The following UNC5A variants were observed in gnomAD, a reference collection of about 807,000 sequenced individuals.
The protein encoded by UNC5A is netrin receptor UNC5A.
Under a neutral mutation model 87.4 loss-of-function variants are expected in UNC5A, and 20 were observed. The ratio of observed to expected loss-of-function variants is 0.23; its 90% CI spans 0.16 to 0.33. The LOEUF (loss-of-function observed/expected upper bound fraction) is 0.33. UNC5A is among the 10% of genes least tolerant of loss of function. The pLI, the probability that UNC5A is intolerant of heterozygous loss-of-function variation, is 1.00. For synonymous variants in UNC5A, 438 were observed against 482.3 expected (o/e 0.91, Z 1.20); for missense variants, 844 against 1,133.4 (o/e 0.74, Z 3.67).
rs771611103 is a variant in UNC5A at position 176,874,300 on chromosome 5, G to GCAC, written c.1126_1128dup (p.Thr376dup). The GCAC allele has an allele frequency of 3.7e-6, 6 of 1,606,054 alleles. No homozygotes were observed. Among genetic ancestry groups the GCAC allele is most frequent in the African/African-American group, 2.7e-5 (2 of 74,762 alleles). ...CTGCTCACCATCCAGCCGGACCTCAGCACCACCACCACCACCTACCAGGGC... is the reference window on the plus strand; with the variant it reads ...CTGCTCACCATCCAGCCGGACCTCAGCACCACCACCACCACCACCTACCAGGGC... On this transcript the variant is annotated inframe_insertion, in exon 8 of 15. Coordinates refer to ENST00000329542, the MANE Select transcript of UNC5A (RefSeq NM_133369.3). The surrounding 1 kb of genome is among the most constrained non-coding windows in gnomAD (Gnocchi z 7.6).
rs1224012985 is a variant in UNC5A, at chr5:176,860,041, C to T, written c.71-2583C>T. ...GGCGGCTGACGCAAGCAGTGCTTGGCGTGCTGATCGATAGGGAGGCTGGAG... is the reference window on the plus strand; with the variant it reads ...GGCGGCTGACGCAAGCAGTGCTTGGTGTGCTGATCGATAGGGAGGCTGGAG... On this transcript the variant is annotated intron_variant, in intron 1 of 14. Coordinates refer to ENST00000329542, the MANE Select transcript of UNC5A (RefSeq NM_133369.3). Among the ~76,000 whole-genome samples, 6 of 152,226 alleles carry T rather than the reference C, an allele frequency of 3.9e-5. No individual in the cohort carries two copies. In the East Asian group the frequency reaches 9.6e-4, roughly 24 times the overall value.
chr5:176,826,504 A>T (rs568090976), intron 1 of UNC5A, among the ~76,000 whole-genome samples: 2 of 152,256 alleles, frequency 1.3e-5, no homozygotes, highest in East Asian at 3.9e-4. Flanking sequence ...CCATTTTTTT[A>T]ATTCTTCTTT....
chr5:176,813,299 G>C (rs772925453), intron 1 of UNC5A, among the ~76,000 whole-genome samples: 1 of 152,224 alleles, frequency 6.6e-6, no homozygotes, highest in African/African-American at 2.4e-5. Context: ...AGATGGGGCT[G>C]AGGGGTGCCA....
Position 176,877,653 on chromosome 5 carries a change from G to C in UNC5A, c.1585G>C (p.Asp529His). The change falls in exon 10 of 15, where the codon GAC becomes CAC. Residue 529 changes from aspartate to histidine, a missense_variant. This residue lies in a region of UNC5A where 353 missense variants were observed against 387.5 expected (regional missense o/e 0.91). Transcript: ENST00000329542. ...AMDHCGEPSPDSWSLRLKKQS... is the reference protein window; with the variant it reads ...AMDHCGEPSPHSWSLRLKKQS... ...GGACCACTGTGGGGAGCCCAGCCCT[G>C]ACAGCTGGAGCCTGCGCCTCAAAAA... is the stretch of plus-strand genomic sequence containing the variant. 6.2e-7 allele frequency: 1 copy of C among 1,611,588 alleles called. No individual in the cohort carries two copies.
chr5:176,837,201 C>T (rs1757168125), intron 1 of UNC5A, among the ~76,000 whole-genome samples: 1 of 152,166 alleles, frequency 6.6e-6, no homozygotes, highest in African/African-American at 2.4e-5. Context: ...ACCTCACTCT[C>T]ACAGTGCCAA....
intron 1 of UNC5A, among the ~76,000 whole-genome samples, chr5:176,812,736 C>A (rs1028963114): frequency 3.3e-5 from 5 of 152,156 alleles, no homozygotes; most frequent in African/African-American, 4.8e-5. Context: ...CAGGGGCTGA[C>A]GCAGAGCCTG....
chr5:176,823,300 C>G (rs1457427500), intron 1 of UNC5A, among the ~76,000 whole-genome samples: 1 of 152,052 alleles, frequency 6.6e-6, no homozygotes, highest in East Asian at 1.9e-4. Flanking sequence ...GCAAGAGGCT[C>G]CGCCCAGGGA....
intron 2 of UNC5A, among the ~76,000 whole-genome samples, chr5:176,867,555 A>T (rs966723566): frequency 6.6e-6 from 1 of 152,192 alleles, no homozygotes; most frequent in African/African-American, 2.4e-5. Flanking sequence ...GTGGATTAAG[A>T]CGACATCCCC....
At chr5:176,835,870 A>T (rs979922746) in intron 1 of UNC5A, among the ~76,000 whole-genome samples, 1 of 152,174 alleles carries the variant, frequency 6.6e-6, no homozygotes, top group Non-Finnish European at 1.5e-5. Flanking sequence ...ATTGATAAGG[A>T]GCTGACAAAG....
At chr5:176,828,094 C>T (rs1300101435) in intron 1 of UNC5A, among the ~76,000 whole-genome samples, 1 of 152,138 alleles carries the variant, frequency 6.6e-6, no homozygotes, top group Non-Finnish European at 1.5e-5. Flanking sequence ...TCCACACCCA[C>T]CCCCAGCCAG....
chr5:176,855,041 C>CA (rs1378118761), intron 1 of UNC5A, among the ~76,000 whole-genome samples: 1 of 152,028 alleles, frequency 6.6e-6, no homozygotes, highest in Non-Finnish European at 1.5e-5. Flanking sequence ...TAGCTTCAGC[C>CA]AAAAAAAGGA....
rs372659580 is a variant in UNC5A at position 176,828,747 on chromosome 5, T to A, written c.70+17927T>A. Among the ~76,000 whole-genome samples, 11 of 152,300 alleles carry A rather than the reference T, an allele frequency of 7.2e-5. No individual in the cohort carries two copies. The East Asian group carries it at 1.3e-3, about 19-fold the overall frequency. On this transcript the variant is annotated intron_variant, in intron 1 of 14. Transcript: ENST00000329542. ...CTTCTTGAGGGCAGGGACTATGGCC[T>A]GCTCATGCTCACTGCTCGTTCATGG...
intron 1 of UNC5A, among the ~76,000 whole-genome samples, chr5:176,818,362 C>G (rs572556176): frequency 5.4e-4 from 82 of 152,358 alleles, no homozygotes; most frequent in African/African-American, 1.9e-3. Context: ...GGGCTCCACT[C>G]CAGCCCCTGA....
rs1758017505 is a variant in UNC5A at position 176,868,072 on chromosome 5, A to G, written c.293-58A>G. On this transcript the variant is annotated intron_variant, in intron 2 of 14. Coordinates refer to ENST00000329542, the MANE Select transcript of UNC5A (RefSeq NM_133369.3). ...GTGGCTGAGGGTGGCGCAGGAACCC[A>G]CACACAGAAGCTCAGGGTGGCCCTG... 5 of 1,563,404 alleles carry G rather than the reference A, an allele frequency of 3.2e-6. No individual in the cohort carries two copies. In the Admixed American group the frequency reaches 9.9e-5, roughly 31 times the overall value.
At position 176,810,949 on chromosome 5, in the gene UNC5A, G is replaced by T; in HGVS notation, c.70+129G>T. ...AGCCCCCCGAGGCCAAACTTTGCGA[G>T]GCGGGACGCGGGGGGCTCTTCTTGC... On this transcript the variant is annotated intron_variant, in intron 1 of 14. Transcript: ENST00000329542. This position sits in a 1 kb window ranked among gnomAD's most constrained non-coding sequence, Gnocchi z 7.3. The T allele has an allele frequency of 3.9e-6, 3 of 769,680 alleles. No individual in the cohort carries two copies. Among genetic ancestry groups the T allele is most frequent in the Non-Finnish European group, 5.0e-6 (3 of 601,438 alleles). The allele number at this position is 769,680 out of a possible 1,614,324, so 47.7% of individuals were successfully genotyped here. A position where few individuals can be genotyped will look rare whatever the true frequency, so the allele number is the denominator to read the frequency against.
intron 6 of UNC5A, among the ~76,000 whole-genome samples, chr5:176,870,887 C>G (rs541996214): frequency 7.1e-6 from 1 of 141,026 alleles, no homozygotes; most frequent in East Asian, 2.2e-4. Context: ...CCCACGCTCA[C>G]CCCACACCAC....
chr5:176,867,270 G>T (rs1482999633), intron 2 of UNC5A, among the ~76,000 whole-genome samples: 6 of 152,150 alleles, frequency 3.9e-5, no homozygotes, highest in Non-Finnish European at 5.9e-5. Context: ...GAGGGTTGCT[G>T]CCCCCGCTCC....
intron 14 of UNC5A, 70 bp downstream of exon 14, chr5:176,879,558 A>C: frequency 6.5e-7 from 1 of 1,549,198 alleles, no homozygotes. Context: ...GGGGTGGGTG[A>C]GGTGGACAGG....
chr5:176,874,651 C>T lies in UNC5A; in HGVS notation c.1378+85C>T. On this transcript the variant is annotated intron_variant, in intron 8 of 14. Coordinates refer to ENST00000329542, the MANE Select transcript of UNC5A (RefSeq NM_133369.3). This position sits in a 1 kb window ranked among gnomAD's most constrained non-coding sequence, Gnocchi z 7.6. The stretch of plus-strand genomic sequence containing the variant: ...AGCCGGACGTTCCTCTCGTGCCCCT[C>T]GGTGTCCCGTGACAGATCAGCAAGG... 1.4e-6 allele frequency: 2 copies of T among 1,425,656 alleles called. No individual in the cohort carries two copies. The highest frequency in any genetic ancestry group is 1.4e-5 in the African/African-American group (1 of 69,220). 88.3% of individuals were successfully genotyped at this position (1,425,656 alleles called of 1,614,324 possible). A position where few individuals can be genotyped will look rare whatever the true frequency, so the allele number is the denominator to read the frequency against.
Sources: allele counts gnomAD v4.1 joint callset (sites outside exome capture counted in the v4.1 genomes callset), GRCh38; gene constraint gnomAD v4.1.1; regional missense constraint gnomAD v4.1.1; non-coding constraint Gnocchi (gnomAD v3.1); transcripts MANE v1.5; gene names NCBI Gene and HGNC (gene_info 2026-07-23, HGNC 2026-07-21).